The following KCNH1 variants were observed in gnomAD, a reference collection of about 807,000 sequenced individuals.
KCNH1 encodes the protein voltage-gated delayed rectifier potassium channel KCNH1.
A neutral mutation model predicts 69.2 loss-of-function variants in KCNH1; 27 were observed. That is an observed-to-expected ratio of 0.39 (90% CI 0.29 to 0.54). The LOEUF is 0.54. Among genes scored for constraint, KCNH1 ranks in the 20% least tolerant of loss-of-function variants. The probability of loss-of-function intolerance (pLI) is 0.68; values close to 1 mark genes in which losing one functional copy is unlikely to be tolerated. For synonymous variants in KCNH1, 456 were observed against 487.7 expected (o/e 0.93, Z 0.86); for missense variants, 798 against 1,261.6 (o/e 0.63, Z 5.57).
chr1:210,829,315 T>G (rs556115297), intron 7 of KCNH1, among the ~76,000 whole-genome samples: 4 of 152,310 alleles, frequency 2.6e-5, no homozygotes, highest in African/African-American at 9.6e-5. Context: ...TATGGTAAGT[T>G]CTAGTACCAA....
intron 10 of KCNH1, among the ~76,000 whole-genome samples, chr1:210,750,988 A>C (rs114200352): frequency 1.4e-3 from 219 of 152,342 alleles, no homozygotes; most frequent in African/African-American, 5.2e-3. Context: ...TTCTCTTAAG[A>C]GACACTGATC....
At chr1:210,828,668 T>C (rs373071132) in intron 7 of KCNH1, among the ~76,000 whole-genome samples, 13 of 152,278 alleles carry the variant, frequency 8.5e-5, no homozygotes, top group East Asian at 7.7e-4. Flanking sequence ...TGCCATGTAG[T>C]AGGCACTCAA....
intron 6 of KCNH1, among the ~76,000 whole-genome samples, chr1:211,014,800 G>A (rs1689462393): frequency 1.3e-5 from 2 of 152,094 alleles, no homozygotes; most frequent in Admixed American, 6.5e-5. Flanking sequence ...TTGTTTCTCT[G>A]CACACTCCCC....
intron 9 of KCNH1, among the ~76,000 whole-genome samples, chr1:210,783,226 G>A (rs891952621): frequency 2.6e-5 from 4 of 152,182 alleles, no homozygotes; most frequent in Admixed American, 6.5e-5. Flanking sequence ...CAAAGGAAAC[G>A]CAAGGTTCCC....
rs1417502127 is a variant in KCNH1 at position 210,859,699 on chromosome 1, G to A, written c.1463-55533C>T. The A allele has an allele frequency of 2.4e-6, 3 of 1,240,012 alleles. No individual in the cohort carries two copies. In the African/African-American group the frequency reaches 4.4e-5, roughly 18 times the overall value. The allele number at this position is 1,240,012 out of a possible 1,614,324, so 76.8% of individuals were successfully genotyped here. Reference sequence around the variant, plus strand: ...TCCATTAAATAAAAGGATAAAAGCTGGCAAAATCTGTCCAGAAACCTGATT... The same window carrying A: ...TCCATTAAATAAAAGGATAAAAGCTAGCAAAATCTGTCCAGAAACCTGATT... On this transcript the variant is annotated intron_variant, in intron 7 of 10. Coordinates refer to ENST00000271751, the MANE Select transcript of KCNH1 (RefSeq NM_172362.3).
intron 7 of KCNH1, among the ~76,000 whole-genome samples, chr1:210,819,477 G>A (rs936585909): frequency 2.0e-5 from 3 of 152,016 alleles, no homozygotes; most frequent in Admixed American, 1.3e-4. Context: ...AGTGTCTGCC[G>A]TGACACCTCA....
At chr1:210,836,367 T>C (rs557587788) in intron 7 of KCNH1, among the ~76,000 whole-genome samples, 1 of 152,170 alleles carries the variant, frequency 6.6e-6, no homozygotes, top group Non-Finnish European at 1.5e-5. Context: ...AGAAGTTGTA[T>C]AACATTATTG....
chr1:210,804,405 G>T (rs1286464979), intron 7 of KCNH1, among the ~76,000 whole-genome samples: 1 of 152,228 alleles, frequency 6.6e-6, no homozygotes, highest in Non-Finnish European at 1.5e-5. Flanking sequence ...ACAGGGCTAG[G>T]GTGCATGTGA....
At chr1:211,067,073 T>C (rs1237975225) in intron 5 of KCNH1, among the ~76,000 whole-genome samples, 2 of 152,120 alleles carry the variant, frequency 1.3e-5, no homozygotes, top group Admixed American at 6.5e-5. Context: ...AGTAATCCCA[T>C]GGAGAGAGAG....
intron 7 of KCNH1, among the ~76,000 whole-genome samples, chr1:210,839,093 T>C (rs1685351130): frequency 6.6e-6 from 1 of 152,156 alleles, no homozygotes; most frequent in Non-Finnish European, 1.5e-5. Context: ...CATTTTATTA[T>C]AAAGTCACAT....
intron 10 of KCNH1, among the ~76,000 whole-genome samples, chr1:210,720,450 T>C (rs1412814595): frequency 1.3e-5 from 2 of 152,182 alleles, no homozygotes; most frequent in Non-Finnish European, 2.9e-5. Flanking sequence ...AATAACCATA[T>C]GCGATTAAGC....
intron 7 of KCNH1, chr1:210,860,345 G>A (rs1685951359): frequency 5.5e-6 from 8 of 1,453,864 alleles, no homozygotes; most frequent in African/African-American, 1.4e-5. Context: ...GAGACATGCT[G>A]TTGTAAAACA....
chr1:210,807,742 A>G (rs1184123488), intron 7 of KCNH1, among the ~76,000 whole-genome samples: 1 of 152,202 alleles, frequency 6.6e-6, no homozygotes, highest in African/African-American at 2.4e-5. Context: ...GCATGTTTCA[A>G]TAGTTCCTTC....
chr1:211,071,117 A>C (rs1443184043), intron 5 of KCNH1, among the ~76,000 whole-genome samples: 1 of 152,258 alleles, frequency 6.6e-6, no homozygotes, highest in Non-Finnish European at 1.5e-5. Context: ...ATAAGGAAGG[A>C]AAATACATTC....
intron 7 of KCNH1, among the ~76,000 whole-genome samples, chr1:210,887,751 G>GT (rs1686647811): frequency 6.7e-6 from 1 of 150,194 alleles, no homozygotes; most frequent in Admixed American, 6.6e-5. Flanking sequence ...AAAAGCAGGG[G>GT]TGGCAATGCT....
chr1:210,916,089 C>G (rs955658970), intron 7 of KCNH1, among the ~76,000 whole-genome samples: 4 of 152,064 alleles, frequency 2.6e-5, no homozygotes, highest in African/African-American at 9.7e-5. Flanking sequence ...CAATGCTCCC[C>G]ATTACTGTTG....
intron 10 of KCNH1, among the ~76,000 whole-genome samples, chr1:210,699,390 C>T (rs1282349233): frequency 2.6e-5 from 4 of 152,242 alleles, no homozygotes; most frequent in Non-Finnish European, 5.9e-5. Flanking sequence ...CAGAGAAAGA[C>T]TGGCAGGGGA....
intron 5 of KCNH1, among the ~76,000 whole-genome samples, chr1:211,022,103 A>C (rs1689596793): frequency 6.6e-6 from 1 of 152,110 alleles, no homozygotes; most frequent in Non-Finnish European, 1.5e-5. Flanking sequence ...AACCAAAACA[A>C]CAGGGTAGTT....
intron 6 of KCNH1, among the ~76,000 whole-genome samples, chr1:210,968,784 G>A (rs1415714104): frequency 1.3e-5 from 2 of 152,160 alleles, no homozygotes; most frequent in East Asian, 3.9e-4. Flanking sequence ...TGTCAGACGA[G>A]TAGGTTGCAA....
Sources: allele counts gnomAD v4.1 joint callset (sites outside exome capture counted in the v4.1 genomes callset), GRCh38; gene constraint gnomAD v4.1.1; transcripts MANE v1.5; gene names NCBI Gene and HGNC (gene_info 2026-07-23, HGNC 2026-07-21).